Variants in USF2 observed in about 807,000 individuals in gnomAD.
USF2 encodes the protein upstream stimulatory factor 2.
A neutral mutation model predicts 46.9 loss-of-function variants in USF2; 16 were observed. The observed-to-expected ratio is 0.34, with a 90% CI of 0.23 to 0.52. The LOEUF (loss-of-function observed/expected upper bound fraction) is 0.52, where lower values mean the gene tolerates loss of function less well. Ranked by LOEUF, USF2 falls within the 20% of genes least tolerant of loss-of-function variation. USF2 has a pLI of 0.96. For missense variants in USF2, 411 were observed against 474.0 expected (o/e 0.87, Z 1.23); for synonymous variants, 239 against 194.1 (o/e 1.23, Z -1.92).
intron 1 of USF2, 99 bp downstream of exon 1, chr19:35,269,262 C>T (rs2066102437): frequency 5.2e-6 from 5 of 957,866 alleles, no homozygotes; most frequent in East Asian, 1.2e-4. Flanking sequence ...GGCCGCGGGC[C>T]CGGCTCAAAA....
At chr19:35,271,859 G>C (rs963357958) in intron 7 of USF2, among the ~76,000 whole-genome samples, 1 of 152,224 alleles carries the variant, frequency 6.6e-6, no homozygotes, top group African/African-American at 2.4e-5. Context: ...AGGCTCAAAG[G>C]CCTGAGGGCT....
intron 7 of USF2, among the ~76,000 whole-genome samples, chr19:35,273,463 G>A (rs947695096): frequency 6.6e-6 from 1 of 152,220 alleles, no homozygotes; most frequent in African/African-American, 2.4e-5. Context: ...CCAGTTCCAA[G>A]TGAGTAGATG....
At chr19:35,270,172 C>A in intron 4 of USF2, 169 bp downstream of exon 4, 2 of 975,248 alleles carry the variant, frequency 2.1e-6, no homozygotes, top group Non-Finnish European at 2.9e-6. Flanking sequence ...AACCTGGGGA[C>A]AGTGCTCTTG....
chr19:35,269,826 G>A lies in USF2; in HGVS notation c.252G>A (p.Val84=). 6.8e-7 allele frequency: 1 copy of A among 1,465,480 alleles called. No homozygotes were observed. The highest frequency in any genetic ancestry group is 9.0e-7 in the Non-Finnish European group (1 of 1,116,278). 90.8% of individuals were successfully genotyped at this position (1,465,480 alleles called of 1,614,324 possible). ...AGGTGACATACCGCGTAGTCCAGGTGACTGATGGTCAGCTGGACGGCCAGG... is the reference window on the plus strand; with the variant it reads ...AGGTGACATACCGCGTAGTCCAGGTAACTGATGGTCAGCTGGACGGCCAGG... ...GGQVTYRVVQ[V]TDGQLDGQGD... The change falls in exon 4 of 10, where the codon GTG becomes GTA. Residue 84 remains valine, a synonymous_variant. Transcript: ENST00000222305.
intron 7 of USF2, among the ~76,000 whole-genome samples, chr19:35,272,757 G>A (rs1210794349): frequency 1.3e-5 from 2 of 151,986 alleles, no homozygotes; most frequent in Non-Finnish European, 2.9e-5. Context: ...TGGGGGAAAT[G>A]TGGGGAGGAC....
intron 7 of USF2, 137 bp downstream of exon 7, chr19:35,271,278 G>A (rs1268340778): frequency 3.4e-5 from 33 of 974,108 alleles, no homozygotes; most frequent in South Asian, 3.0e-4. Flanking sequence ...GCTGGACGCT[G>A]TAAAGGTAGA....
Position 35,269,474 on chromosome 19 carries a change from G to A in USF2, c.91G>A (p.Gly31Ser), listed in dbSNP as rs1234088151. Residue 31 changes from glycine (G) to serine (S), a missense_variant, in exon 2 of 10, where the codon GGC (glycine) becomes AGC (serine). Physicochemically the swap from Gly to Ser is moderately conservative, Grantham distance 56. Coordinates refer to ENST00000222305, the MANE Select transcript of USF2 (RefSeq NM_003367.4). ...CGACAAGGGACCCGAGGCGGAGGAG[G>A]GCGTCGAGCTGCAGGAAGGTGAGTG... is the stretch of plus-strand genomic sequence containing the variant. ...SHDKGPEAEE[G>S]VELQEGGDGP... 2 of 1,551,096 alleles carry A rather than the reference G, an allele frequency of 1.3e-6. No homozygotes were observed. The highest frequency in any genetic ancestry group is 8.6e-7 in the Non-Finnish European group (1 of 1,156,486).
intron 4 of USF2, 143 bp downstream of exon 4, chr19:35,270,146 C>CT (rs1442076302): frequency 1.3e-5 from 14 of 1,054,034 alleles, no homozygotes; most frequent in Non-Finnish European, 1.3e-6. Flanking sequence ...GGCCAGATCC[C>CT]TGTTGTGCAC....
At chr19:35,269,541 G>T in intron 2 of USF2, 40 bp from the exon 3 acceptor site, 1 of 1,552,594 alleles carries the variant, frequency 6.4e-7, no homozygotes, top group Non-Finnish European at 8.7e-7. Context: ...GGGGGCGCTC[G>T]GCGCGGCCCT....
In USF2 at chr19:35,278,738, C is replaced by T; in HGVS notation, c.768C>T (p.Val256=). The stretch of plus-strand genomic sequence containing the variant: ...GGGACAAGATCAACAACTGGATCGT[C>T]CAGCTTTCGAAAATCATTCCAGACT... ...RRRDKINNWI[V]QLSKIIPDCN... is the part of the protein sequence containing the mutation. Residue 256 remains valine, a synonymous_variant, in exon 8 of 10, where the codon GTC becomes GTT. Coordinates refer to ENST00000222305, the MANE Select transcript of USF2 (RefSeq NM_003367.4). 1.2e-6 allele frequency: 2 copies of T among 1,614,130 alleles called. No individual in the cohort carries two copies. Among genetic ancestry groups the T allele is most frequent in the Non-Finnish European group, 1.7e-6 (2 of 1,180,028 alleles).
rs770480113 is a variant in USF2, at chr19:35,278,787, G to A, written c.817G>A (p.Gly273Arg). The A allele has an allele frequency of 6.2e-7, 1 of 1,614,036 alleles. No homozygotes were observed. The highest frequency in any genetic ancestry group is 1.1e-5 in the South Asian group (1 of 91,078). The change falls in exon 8 of 10, where the codon GGA (glycine) becomes AGA (arginine). Residue 273 changes from glycine to arginine, a missense_variant. This residue lies in a region of USF2 where 93 missense variants were observed against 151.6 expected (regional missense o/e 0.61). Transcript: ENST00000222305. ...PDCNADNSKT[G>R]ASKGGILSKA... Reference sequence around the variant, plus strand: ...CTGTAACGCAGACAACAGCAAGACGGGAGCGGTGAGCACCCCGGACCCTCA... The same window carrying A: ...CTGTAACGCAGACAACAGCAAGACGAGAGCGGTGAGCACCCCGGACCCTCA...
chr19:35,275,758 G>A (rs1356770091), intron 7 of USF2: 3 of 152,190 alleles, frequency 2.0e-5, no homozygotes, highest in Non-Finnish European at 4.4e-5. Context: ...GTTATGGTCA[G>A]AGAACATACT....
Position 35,278,715 on chromosome 19 carries a change from G to A in USF2, c.745G>A (p.Asp249Asn). ...TTCCGCAGTGGAGCGGAGGCGGAGG[G>A]ACAAGATCAACAACTGGATCGTCCA... Reference protein sequence around the residue: ...QHNEVERRRRDKINNWIVQLS... With the variant: ...QHNEVERRRRNKINNWIVQLS... Residue 249 changes from aspartate to asparagine, a missense_variant, in exon 8 of 10, where the codon GAC (aspartate) becomes AAC (asparagine). This residue lies in a region of USF2 where 93 missense variants were observed against 151.6 expected (regional missense o/e 0.61). Transcript: ENST00000222305. The A allele has an allele frequency of 1.2e-6, 2 of 1,614,182 alleles. No homozygotes were observed. The highest frequency in any genetic ancestry group is 8.5e-7 in the Non-Finnish European group (1 of 1,180,030).
At chr19:35,274,185 C>T (rs2066199764) in intron 7 of USF2, among the ~76,000 whole-genome samples, 1 of 152,232 alleles carries the variant, frequency 6.6e-6, no homozygotes, top group African/African-American at 2.4e-5. Flanking sequence ...ACTCAACTCG[C>T]CCAAAAGAGA....
At chr19:35,275,773 A>G (rs928590605) in intron 7 of USF2, 1 of 152,184 alleles carries the variant, frequency 6.6e-6, no homozygotes, top group Non-Finnish European at 1.5e-5. Context: ...CATACTCTGT[A>G]TGATTTCAGT....
chr19:35,269,402 G>GGCGCGGGCCGCGC, intron 1 of USF2, 44 bp from the exon 2 acceptor site: 1 of 1,355,000 alleles, frequency 7.4e-7, no homozygotes. Flanking sequence ...CGGGGGCGCG[G>GGCGCGGGCCGCGC]GCGCGGGCCG....
rs778571672 is a variant in USF2, at chr19:35,269,449, C to A, written c.66C>A (p.His22Gln). The change falls in exon 2 of 10, where the codon CAC becomes CAA. Residue 22 changes from histidine (H) to glutamine (Q), a missense_variant. By Grantham distance (24) the His-to-Gln change is conservative (BLOSUM62 0). Transcript: ENST00000222305. ...CTCCCTCCTGTGCCCCTGGCAGCCA[C>A]GACAAGGGACCCGAGGCGGAGGAGG... ...ASATAAAAAS[H>Q]DKGPEAEEGV... 2.0e-6 allele frequency: 3 copies of A among 1,536,204 alleles called. No individual in the cohort carries two copies. Among genetic ancestry groups the A allele is most frequent in the Non-Finnish European group, 2.6e-6 (3 of 1,150,498 alleles).
Position 35,274,527 on chromosome 19 carries a change from C to T in USF2, c.727+3386C>T, listed in dbSNP as rs187436300. ...GGGTGTGTGGCTGGGTGTGGTGGCT[C>T]CCGCCCGGAATCCCAGCACTTTTGG... is the stretch of plus-strand genomic sequence containing the variant. On this transcript the variant is annotated intron_variant, in intron 7 of 9. Transcript: ENST00000222305. 3.4e-3 allele frequency among the ~76,000 whole-genome samples: 521 copies of T among 152,258 alleles called. 2 individuals are homozygous for T. Among genetic ancestry groups the T allele is most frequent in the African/African-American group, 0.012 (484 of 41,514 alleles).
In USF2 at chr19:35,269,484, T is replaced by A; in HGVS notation, c.101T>A (p.Leu34Gln). The A allele has an allele frequency of 6.4e-7, 1 of 1,551,956 alleles. No individual in the cohort carries two copies. Among genetic ancestry groups the A allele is most frequent in the Non-Finnish European group, 8.7e-7 (1 of 1,156,040 alleles). Residue 34 changes from leucine to glutamine, a missense_variant, in exon 2 of 10, where the codon CTG becomes CAG. Leu to Gln is a moderately radical substitution (Grantham distance 113). This residue lies in a region of USF2 where 318 missense variants were observed against 322.4 expected (regional missense o/e 0.99). Coordinates refer to ENST00000222305, the MANE Select transcript of USF2 (RefSeq NM_003367.4). ...CCCGAGGCGGAGGAGGGCGTCGAGC[T>A]GCAGGAAGGTGAGTGCTTGCCGGGC... ...KGPEAEEGVE[L>Q]QEGGDGPGAE...
Sources: gnomAD v4.1 joint callset for allele counts (sites outside exome capture counted in the v4.1 genomes callset) on GRCh38, gnomAD v4.1.1 for gene constraint, gnomAD v4.1.1 regional missense constraint, MANE v1.5 for transcripts, NCBI Gene and HGNC (gene_info 2026-07-23, HGNC 2026-07-21) for gene names.